The following NFATC3 variants were observed in gnomAD, a reference collection of about 807,000 sequenced individuals.
NFATC3 encodes the protein nuclear factor of activated T-cells, cytoplasmic 3.
Under a neutral mutation model 98.6 loss-of-function variants are expected in NFATC3, and 46 were observed. The observed-to-expected ratio is 0.47, with a 90% CI of 0.37 to 0.60. NFATC3 has a LOEUF of 0.60. Ranked by LOEUF, NFATC3 falls within the 20% of genes least tolerant of loss-of-function variation. NFATC3 has a pLI of 0.00. For missense variants in NFATC3, 1,256 were observed against 1,295.5 expected (o/e 0.97, Z 0.47); for synonymous variants, 512 against 472.2 (o/e 1.08, Z -1.09).
intron 1 of NFATC3, among the ~76,000 whole-genome samples, chr16:68,110,486 A>AT (rs909170120): frequency 1.2e-4 from 18 of 144,508 alleles, no homozygotes; most frequent in South Asian, 6.6e-4. Flanking sequence ...TTTTTTTTGT[A>AT]TTTTTTTTTA....
In NFATC3 at chr16:68,122,874, T is replaced by G; in HGVS notation, c.991T>G (p.Cys331Gly). 1.2e-6 allele frequency: 2 copies of G among 1,614,202 alleles called. No individual in the cohort carries two copies. The highest frequency in any genetic ancestry group is 8.5e-7 in the Non-Finnish European group (1 of 1,180,046). The change falls in exon 2 of 10, where the codon TGT becomes GGT. Residue 331 changes from cysteine to glycine, a missense_variant. Coordinates refer to ENST00000346183, the MANE Select transcript of NFATC3 (RefSeq NM_173165.3). ...LGPAVFPFQY[C>G]VETDIPLKTR... Reference sequence around the variant, plus strand: ...CCCTGCAGTTTTTCCATTTCAGTACTGTGTAGAGACTGACATCCCTCTCAA... The same window carrying G: ...CCCTGCAGTTTTTCCATTTCAGTACGGTGTAGAGACTGACATCCCTCTCAA...
intron 9 of NFATC3, chr16:68,200,146 T>C (rs937976560): frequency 6.6e-6 from 1 of 152,086 alleles, no homozygotes; most frequent in Non-Finnish European, 1.5e-5. Flanking sequence ...TTAAAAACTC[T>C]CCAGCAACTT....
chr16:68,103,507 G>T (rs1011726046), intron 1 of NFATC3, among the ~76,000 whole-genome samples: 1 of 152,344 alleles, frequency 6.6e-6, no homozygotes, highest in Admixed American at 6.5e-5. Flanking sequence ...ACTGGGCTTG[G>T]CCTCACTTTC....
intron 9 of NFATC3, among the ~76,000 whole-genome samples, chr16:68,195,665 G>A (rs182332143): frequency 9.4e-5 from 14 of 149,076 alleles, no homozygotes; most frequent in South Asian, 8.7e-4. Context: ...AAAACTAGCC[G>A]GGCGTGGTGG....
At chr16:68,115,295 C>T (rs1200783776) in intron 1 of NFATC3, among the ~76,000 whole-genome samples, 1 of 152,172 alleles carries the variant, frequency 6.6e-6, no homozygotes, top group Non-Finnish European at 1.5e-5. Flanking sequence ...AACTCCTGAC[C>T]TTGTGATCCA....
chr16:68,208,910 C>A (rs960470924), intron 9 of NFATC3, among the ~76,000 whole-genome samples: 1 of 152,122 alleles, frequency 6.6e-6, no homozygotes, highest in Non-Finnish European at 1.5e-5. Flanking sequence ...TATGTTTATA[C>A]TATCATGCCA....
At chr16:68,087,815 G>A (rs1216626799) in intron 1 of NFATC3, among the ~76,000 whole-genome samples, 1 of 152,076 alleles carries the variant, frequency 6.6e-6, no homozygotes, top group East Asian at 1.9e-4. Flanking sequence ...GTGACCTTTT[G>A]TGTCGGACTA....
At chr16:68,221,863 A>T (rs528143074) in intron 9 of NFATC3, among the ~76,000 whole-genome samples, 1 of 152,308 alleles carries the variant, frequency 6.6e-6, no homozygotes, top group South Asian at 2.1e-4. Context: ...ATTATAATCA[A>T]TACCACATAT....
chr16:68,189,046 C>T (rs1371035837), intron 8 of NFATC3, among the ~76,000 whole-genome samples: 2 of 152,158 alleles, frequency 1.3e-5, no homozygotes, highest in Admixed American at 6.5e-5. Context: ...CTAGTTTTCT[C>T]AGCACCATTT....
At chr16:68,214,830 C>T (rs918563253) in intron 9 of NFATC3, among the ~76,000 whole-genome samples, 3 of 152,048 alleles carry the variant, frequency 2.0e-5, no homozygotes, top group Admixed American at 1.3e-4. Context: ...AAATTTTGTC[C>T]GTTTTTCAGA....
chr16:68,168,508 C>T (rs779918433), intron 5 of NFATC3, among the ~76,000 whole-genome samples: 7 of 150,054 alleles, frequency 4.7e-5, no homozygotes, highest in South Asian at 4.2e-4. Flanking sequence ...ATTTTTTAGA[C>T]GGAGCCTCCC....
intron 4 of NFATC3, among the ~76,000 whole-genome samples, chr16:68,159,404 C>G (rs185853776): frequency 1.5e-5 from 2 of 133,358 alleles, no homozygotes; most frequent in South Asian, 2.5e-4. Flanking sequence ...ACCTTTCTTT[C>G]TTTTTTTTTT....
In NFATC3 at chr16:68,191,729, G is replaced by A. The variant is rs1031535802; in HGVS notation, c.3060G>A (p.Glu1020=). 1 of 1,614,012 alleles carries A rather than the reference G, an allele frequency of 6.2e-7. No homozygotes were observed. The highest frequency in any genetic ancestry group is 1.1e-5 in the South Asian group (1 of 91,084). Residue 1020 remains glutamate (E), a synonymous_variant, in exon 9 of 10, where the codon GAG becomes GAA. Coordinates refer to ENST00000346183, the MANE Select transcript of NFATC3 (RefSeq NM_173165.3). ...TTAAACCTGAACCAGAAGATCGAGA[G>A]CCTAACTTTGCAACCATTGGTCTGC... ...VSIKPEPEDR[E]PNFATIGLQD...
chr16:68,181,328 C>T, intron 6 of NFATC3, 147 bp from the exon 7 acceptor site: 2 of 625,838 alleles, frequency 3.2e-6, no homozygotes, highest in East Asian at 6.1e-5. Context: ...CCCATTTGTA[C>T]ATATTTATAT....
At chr16:68,216,757 G>A (rs919915718) in intron 9 of NFATC3, among the ~76,000 whole-genome samples, 13 of 152,052 alleles carry the variant, frequency 8.5e-5, no homozygotes, top group Admixed American at 3.3e-4. Context: ...GGTTTTGAAC[G>A]CCTGACCTCA....
chr16:68,220,704 G>A lies in NFATC3; in HGVS notation c.3107-5646G>A, dbSNP rs1222860264. Among the ~76,000 whole-genome samples, 5 of 142,058 alleles carry A rather than the reference G, an allele frequency of 3.5e-5. No homozygotes were observed. In the East Asian group the frequency reaches 8.1e-4, roughly 23 times the overall value. 93.2% of individuals were successfully genotyped at this position (142,058 alleles called of 152,430 possible). On this transcript the variant is annotated intron_variant, in intron 9 of 9. Coordinates refer to ENST00000346183, the MANE Select transcript of NFATC3 (RefSeq NM_173165.3). ...AGGTGGATCACGAGGTCAGGAGATC[G>A]ACACCATCCTGGCTAACACGGTGAA...
At chr16:68,206,901 T>A (rs747898773) in intron 9 of NFATC3, among the ~76,000 whole-genome samples, 1 of 151,032 alleles carries the variant, frequency 6.6e-6, no homozygotes, top group Non-Finnish European at 1.5e-5. Context: ...GAGGATCACC[T>A]GAGCTTAGGA....
At chr16:68,145,770 T>A (rs1018556982) in intron 3 of NFATC3, among the ~76,000 whole-genome samples, 3 of 152,208 alleles carry the variant, frequency 2.0e-5, no homozygotes, top group African/African-American at 7.2e-5. Context: ...GGGTAGTAGT[T>A]ATTTGAATCT....
At chr16:68,206,719 A>G (rs777088198) in intron 9 of NFATC3, among the ~76,000 whole-genome samples, 16 of 152,148 alleles carry the variant, frequency 1.1e-4, no homozygotes, top group Non-Finnish European at 1.8e-4. Flanking sequence ...ACAGTAGCTC[A>G]CGTCTCTAAT....
Sources: allele counts gnomAD v4.1 joint callset (sites outside exome capture counted in the v4.1 genomes callset), GRCh38; gene constraint gnomAD v4.1.1; transcripts MANE v1.5; gene names NCBI Gene and HGNC (gene_info 2026-07-23, HGNC 2026-07-21).